The following PCGF3 variants were observed in gnomAD, a reference collection of about 807,000 sequenced individuals.
The protein encoded by PCGF3 is polycomb group ring finger 3.
A neutral mutation model predicts 33.1 loss-of-function variants in PCGF3; 7 were observed. The ratio of observed to expected loss-of-function variants is 0.21; its 90% CI spans 0.12 to 0.40. PCGF3 has a LOEUF of 0.40. Among genes scored for constraint, PCGF3 ranks in the 10% least tolerant of loss-of-function variants. The probability of loss-of-function intolerance (pLI) is 1.00; values close to 1 mark genes in which losing one functional copy is unlikely to be tolerated. For synonymous variants in PCGF3, 153 were observed against 121.3 expected (o/e 1.26, Z -1.72); for missense variants, 211 against 313.3 (o/e 0.67, Z 2.46).
In PCGF3 at chr4:764,924, G is replaced by A. The variant is rs371061769; in HGVS notation, c.601-60G>A. 97 of 1,111,130 alleles carry A rather than the reference G, an allele frequency of 8.7e-5. No individual in the cohort carries two copies. The African/African-American group carries it at 1.4e-3, about 16-fold the overall frequency. 68.8% of individuals were successfully genotyped at this position (1,111,130 alleles called of 1,614,324 possible). On this transcript the variant is annotated intron_variant, in intron 9 of 10. Coordinates refer to ENST00000362003, the Ensembl canonical transcript of PCGF3. ...GCAGATTTCATACCAGCATCAAGGT[G>A]GCCATGTCAGTGTGGGTTGAGCACC... is the stretch of plus-strand genomic sequence containing the variant.
At chr4:731,565 C>G (rs1457870033) in intron 3 of PCGF3, among the ~76,000 whole-genome samples, 6 of 114,660 alleles carry the variant, frequency 5.2e-5, no homozygotes, top group African/African-American at 1.6e-4. Context: ...CCCCTCCCGT[C>G]GTGGGTGGGC....
In PCGF3 at chr4:720,904, G is replaced by A. The variant is rs1191298999; in HGVS notation, c.-189-9726G>A. On this transcript the variant is annotated intron_variant, in intron 1 of 10. Transcript: ENST00000362003. This position sits in a 1 kb window ranked among gnomAD's most constrained non-coding sequence, Gnocchi z 5.6. Reference sequence around the variant, plus strand: ...GTGGAGGGTGAATTAGTGCGAGGGCGGCTTGGAGAAGCCTGTCCTGGGCGG... The same window carrying A: ...GTGGAGGGTGAATTAGTGCGAGGGCAGCTTGGAGAAGCCTGTCCTGGGCGG... Among the ~76,000 whole-genome samples, 3 of 152,176 alleles carry A rather than the reference G, an allele frequency of 2.0e-5. No individual in the cohort carries two copies. The highest frequency in any genetic ancestry group is 2.9e-5 in the Non-Finnish European group (2 of 68,026).
chr4:734,573 G>A, intron 4 of PCGF3: 1 of 1,163,590 alleles, frequency 8.6e-7, no homozygotes, highest in Non-Finnish European at 1.1e-6. Flanking sequence ...GTACGTAGAA[G>A]ATACTGTCAT....
chr4:743,841 G>A (rs952376647), intron 7 of PCGF3: 19 of 374,766 alleles, frequency 5.1e-5, no homozygotes, highest in Non-Finnish European at 8.3e-5. Context: ...AGAGGTCAGG[G>A]TTCAGAAGGC....
At chr4:753,766 G>A (rs954224778) in intron 8 of PCGF3, among the ~76,000 whole-genome samples, 2 of 151,976 alleles carry the variant, frequency 1.3e-5, no homozygotes, top group East Asian at 3.8e-4. Context: ...TGGGCAACAA[G>A]GTGAAACCCC....
chr4:732,710 A>G (rs1306185251), intron 3 of PCGF3, among the ~76,000 whole-genome samples: 1 of 152,136 alleles, frequency 6.6e-6, no homozygotes, highest in Non-Finnish European at 1.5e-5. Context: ...GGTGTCACGC[A>G]TGCAGCAGTT....
chr4:735,703 C>G (rs150730309), intron 5 of PCGF3, among the ~76,000 whole-genome samples: 3 of 152,260 alleles, frequency 2.0e-5, no homozygotes, highest in Non-Finnish European at 4.4e-5. Context: ...GCAGATGGTC[C>G]TGGGGCCCTG....
intron 8 of PCGF3, among the ~76,000 whole-genome samples, chr4:752,715 C>G (rs1410809804): frequency 6.6e-6 from 1 of 152,222 alleles, no homozygotes; most frequent in East Asian, 1.9e-4. Context: ...GCAGCCTCCT[C>G]CGGTTCCAGG....
chr4:724,280 G>A (rs990753636), intron 1 of PCGF3, among the ~76,000 whole-genome samples: 5 of 152,208 alleles, frequency 3.3e-5, no homozygotes, highest in Non-Finnish European at 7.3e-5. Flanking sequence ...CAAAGGCCCC[G>A]GAGGCTTTTC....
intron 8 of PCGF3, among the ~76,000 whole-genome samples, chr4:760,667 G>A (rs1191297311): frequency 2.0e-5 from 3 of 152,210 alleles, no homozygotes; most frequent in Admixed American, 1.3e-4. Context: ...GCCCTTCCTT[G>A]TCAGGCACAT....
rs762968015 is a variant in PCGF3 at position 761,444 on chromosome 4, A to G, written c.600+28A>G. On this transcript the variant is annotated intron_variant, in intron 9 of 10. Coordinates refer to ENST00000362003, the Ensembl canonical transcript of PCGF3. Reference sequence around the variant, plus strand: ...AACAGTTGATCCCTAAGTAGAAACCATAACAAGTCCTCTCTTATTTCTAAA... The same window carrying G: ...AACAGTTGATCCCTAAGTAGAAACCGTAACAAGTCCTCTCTTATTTCTAAA... 1.9e-5 allele frequency: 29 copies of G among 1,552,916 alleles called. No individual in the cohort carries two copies. The East Asian group carries it at 2.3e-4, about 13-fold the overall frequency.
intron 1 of PCGF3, among the ~76,000 whole-genome samples, chr4:709,909 T>C (rs1742494413): frequency 6.6e-6 from 1 of 152,214 alleles, no homozygotes; most frequent in South Asian, 2.1e-4. Context: ...TTCCTTCTGA[T>C]TTGCTCTTTT....
intron 6 of PCGF3, among the ~76,000 whole-genome samples, chr4:738,565 T>C (rs539809959): frequency 6.6e-6 from 1 of 150,678 alleles, no homozygotes; most frequent in South Asian, 2.1e-4. Flanking sequence ...AAGAAACGTT[T>C]GTGGCCGGGT....
At chr4:761,541 T>A (rs1320807316) in intron 9 of PCGF3, 125 bp downstream of exon 9, 24 of 1,413,420 alleles carry the variant, frequency 1.7e-5, no homozygotes, top group East Asian at 2.4e-5. Context: ...CAGAAAAAAA[T>A]CCGTTTTGCC....
chr4:743,810 C>A (rs1160707880), intron 7 of PCGF3: 1 of 445,336 alleles, frequency 2.2e-6, no homozygotes, highest in Non-Finnish European at 4.1e-6. Flanking sequence ...CAGGAGGGCC[C>A]CCCGAGAGTG....
intron 1 of PCGF3, among the ~76,000 whole-genome samples, chr4:714,152 C>G (rs1288275535): frequency 6.6e-6 from 1 of 152,168 alleles, no homozygotes; most frequent in Non-Finnish European, 1.5e-5. Flanking sequence ...CCTGTGAGGA[C>G]TCTGACCCCA....
intron 1 of PCGF3, among the ~76,000 whole-genome samples, chr4:723,018 G>GC (rs1249340234): frequency 3.6e-4 from 45 of 125,212 alleles, no homozygotes; most frequent in African/African-American, 1.2e-3. Context: ...TCGCGTCATC[G>GC]CCATCCACGC....
chr4:716,704 G>T lies in PCGF3; in HGVS notation c.-190+10734G>T, dbSNP rs1427329644. On this transcript the variant is annotated intron_variant, in intron 1 of 10. Coordinates refer to ENST00000362003, the Ensembl canonical transcript of PCGF3. ...CACTGTGTGAGAACTGGGCGTCGGT[G>T]CTGGGACCCTGAAGACACTGAGTGT... Among the ~76,000 whole-genome samples the T allele has an allele frequency of 2.8e-5, 4 of 143,210 alleles. 1 individual carries two copies. Among genetic ancestry groups the T allele is most frequent in the Non-Finnish European group, 6.1e-5 (4 of 65,518 alleles). 94.0% of individuals were successfully genotyped at this position (143,210 alleles called of 152,430 possible).
At chr4:758,116 C>A (rs1286856584) in intron 8 of PCGF3, among the ~76,000 whole-genome samples, 2 of 141,844 alleles carry the variant, frequency 1.4e-5, no homozygotes, top group Non-Finnish European at 3.0e-5. Flanking sequence ...TGCAGTGAGC[C>A]GAGATCGTGC....
Sources: allele counts gnomAD v4.1 joint callset (sites outside exome capture counted in the v4.1 genomes callset), GRCh38; gene constraint gnomAD v4.1.1; non-coding constraint Gnocchi (gnomAD v3.1); transcripts MANE v1.5; gene names NCBI Gene and HGNC (gene_info 2026-07-23, HGNC 2026-07-21).